The following PCCA variants were observed in gnomAD, a reference collection of about 807,000 sequenced individuals.
The protein encoded by PCCA is propionyl-CoA carboxylase alpha chain, mitochondrial.
A neutral mutation model predicts 101.3 loss-of-function variants in PCCA; 74 were observed. That is an observed-to-expected ratio of 0.73 (90% CI 0.61 to 0.89). The LOEUF (loss-of-function observed/expected upper bound fraction) is 0.89. PCCA is among the 40% of genes least tolerant of loss of function. PCCA has a pLI of 0.00. For missense variants in PCCA, 891 were observed against 907.0 expected, an observed-to-expected ratio of 0.98 and a Z score of 0.23; for synonymous variants, 294 against 313.6, an observed-to-expected ratio of 0.94 and a Z score of 0.66.
At chr13:100,092,387 C>T (rs1339423636) in intron 1 of PCCA, among the ~76,000 whole-genome samples, 3 of 149,368 alleles carry the variant, frequency 2.0e-5, no homozygotes, top group African/African-American at 7.4e-5. Flanking sequence ...TTTCTTTCTT[C>T]CTTTTTTTTT....
chr13:100,216,612 C>T (rs914440931), intron 7 of PCCA, among the ~76,000 whole-genome samples: 6 of 152,308 alleles, frequency 3.9e-5, no homozygotes, highest in African/African-American at 1.4e-4. Flanking sequence ...TATACATATA[C>T]TCATTTTATA....
intron 20 of PCCA, among the ~76,000 whole-genome samples, chr13:100,443,169 C>T (rs556950824): frequency 3.3e-5 from 5 of 152,030 alleles, no homozygotes; most frequent in Admixed American, 6.6e-5. Flanking sequence ...CAGGAGGCAC[C>T]GTCTGTTTCT....
At chr13:100,135,015 C>A (rs2050988633) in intron 4 of PCCA, among the ~76,000 whole-genome samples, 1 of 150,194 alleles carries the variant, frequency 6.7e-6, no homozygotes, top group Non-Finnish European at 1.5e-5. Context: ...TAGCTCCCAA[C>A]TGTAGGTACA....
chr13:100,457,888 G>A (rs946721130), intron 21 of PCCA, among the ~76,000 whole-genome samples: 7 of 152,256 alleles, frequency 4.6e-5, no homozygotes, highest in African/African-American at 1.7e-4. Context: ...TGACGCTGAT[G>A]CTCCTGTCAG....
intron 7 of PCCA, among the ~76,000 whole-genome samples, chr13:100,232,799 C>T (rs1392635867): frequency 1.3e-5 from 2 of 152,114 alleles, no homozygotes; most frequent in Non-Finnish European, 2.9e-5. Context: ...TTCTATGTAA[C>T]ATTTATTTTA....
At chr13:100,251,992 G>T (rs2061783748) in intron 8 of PCCA, among the ~76,000 whole-genome samples, 1 of 40,550 alleles carries the variant, frequency 2.5e-5, no homozygotes, top group Non-Finnish European at 5.8e-5. Context: ...TTCCCTTCTG[G>T]GGAGGCTGAG....
intron 17 of PCCA, among the ~76,000 whole-genome samples, chr13:100,333,427 TC>T (rs1339643637): frequency 2.0e-5 from 3 of 152,234 alleles, no homozygotes; most frequent in Non-Finnish European, 2.9e-5. Context: ...ATTAAAATTT[TC>T]TATTGTATAT....
chr13:100,218,073 TAA>T (rs368406190), intron 7 of PCCA, among the ~76,000 whole-genome samples: 4 of 137,664 alleles, frequency 2.9e-5, no homozygotes, highest in Admixed American at 7.4e-5. Flanking sequence ...AGACTCTGTC[TAA>T]AAAAAAAAAA....
intron 7 of PCCA, among the ~76,000 whole-genome samples, chr13:100,211,887 T>C (rs1457712851): frequency 1.3e-5 from 2 of 152,104 alleles, no homozygotes; most frequent in Non-Finnish European, 2.9e-5. Context: ...ACTATAGGTG[T>C]GTGCCACCAC....
intron 23 of PCCA, among the ~76,000 whole-genome samples, chr13:100,528,453 G>C (rs1010432150): frequency 2.0e-5 from 3 of 152,252 alleles, no homozygotes; most frequent in East Asian, 1.9e-4. Context: ...TGTTCTGCAT[G>C]TGGCCATGCC....
chr13:100,232,680 C>G (rs981677811), intron 7 of PCCA, among the ~76,000 whole-genome samples: 2 of 152,152 alleles, frequency 1.3e-5, no homozygotes, highest in African/African-American at 4.8e-5. Flanking sequence ...TGTGCTTGGC[C>G]TGGCTAGATG....
intron 6 of PCCA, among the ~76,000 whole-genome samples, chr13:100,165,147 T>C (rs1476984628): frequency 2.6e-5 from 4 of 152,172 alleles, no homozygotes; most frequent in Non-Finnish European, 4.4e-5. Flanking sequence ...TGTATAAGTA[T>C]CTGTTTGGGT....
chr13:100,493,798 C>T (rs925911011), intron 21 of PCCA, among the ~76,000 whole-genome samples: 4 of 152,280 alleles, frequency 2.6e-5, no homozygotes, highest in Admixed American at 2.6e-4. Context: ...CACTATTCTC[C>T]ACCTCCCTCC....
At chr13:100,423,115 T>C (rs2078936010) in intron 19 of PCCA, among the ~76,000 whole-genome samples, 1 of 152,178 alleles carries the variant, frequency 6.6e-6, no homozygotes, top group African/African-American at 2.4e-5. Flanking sequence ...CTACAGCCTT[T>C]TTTTTGGACA....
chr13:100,492,544 T>G (rs543668642), intron 21 of PCCA, among the ~76,000 whole-genome samples: 1 of 151,824 alleles, frequency 6.6e-6, no homozygotes, highest in East Asian at 2.0e-4. Context: ...AGCACCATCT[T>G]GATATGGACA....
At chr13:100,131,976 C>T (rs1046597030) in intron 4 of PCCA, among the ~76,000 whole-genome samples, 5 of 152,120 alleles carry the variant, frequency 3.3e-5, no homozygotes, top group Admixed American at 3.3e-4. Flanking sequence ...GAGGAATTCA[C>T]ATTTTGGCAG....
chr13:100,331,784 T>C (rs968179210), intron 17 of PCCA, among the ~76,000 whole-genome samples: 6 of 152,030 alleles, frequency 3.9e-5, no homozygotes, highest in Non-Finnish European at 7.4e-5. Context: ...ATTCTTTTAA[T>C]ATTTGTTGGT....
Position 100,264,110 on chromosome 13 carries a change from C to T in PCCA, c.819+1279C>T, listed in dbSNP as rs61969223. On this transcript the variant is annotated intron_variant, in intron 10 of 23. Coordinates refer to ENST00000376285, the MANE Select transcript of PCCA (RefSeq NM_000282.4). ...ACGGTATCTGTATATCGTATATATA[C>T]GGTATCTGTATATCGTATATATATG... Among the ~76,000 whole-genome samples, 423 of 101,878 alleles carry T rather than the reference C, an allele frequency of 4.2e-3. 9 individuals are homozygous for T. The highest frequency in any genetic ancestry group is 0.013 in the African/African-American group (405 of 30,434). The allele number at this position is 101,878 out of a possible 152,430, so 66.8% of individuals were successfully genotyped here. A position where few individuals can be genotyped will look rare whatever the true frequency, so the allele number is the denominator to read the frequency against.
At chr13:100,145,601 C>T (rs1433799552) in intron 4 of PCCA, among the ~76,000 whole-genome samples, 1 of 152,092 alleles carries the variant, frequency 6.6e-6, no homozygotes, top group African/African-American at 2.4e-5. Flanking sequence ...CAGTGGCTCA[C>T]GCCTGTAATC....
Sources: allele counts gnomAD v4.1 joint callset (sites outside exome capture counted in the v4.1 genomes callset), GRCh38; gene constraint gnomAD v4.1.1; transcripts MANE v1.5; gene names NCBI Gene and HGNC (gene_info 2026-07-23, HGNC 2026-07-21).